FRMPD4: variants seen among roughly 807,000 people sequenced by gnomAD.
FRMPD4 encodes the protein FERM and PDZ domain containing 4.
Under a neutral mutation model 94.1 loss-of-function variants are expected in FRMPD4, and 22 were observed. That is an observed-to-expected ratio of 0.23 (90% CI 0.17 to 0.33). FRMPD4 has a LOEUF of 0.33. FRMPD4 is among the 10% of genes least tolerant of loss of function. FRMPD4 has a pLI of 1.00. For missense variants in FRMPD4, 1,111 were observed against 1,339.9 expected (o/e 0.83, Z 2.67); for synonymous variants, 631 against 548.6 (o/e 1.15, Z -2.10).
At position 12,718,539 on chromosome X, in the gene FRMPD4, C is replaced by T. The variant is rs145722235; in HGVS notation, c.3713C>T (p.Pro1238Leu). The change falls in exon 16 of 17, where the codon CCG becomes CTG. Residue 1238 changes from proline to leucine, a missense_variant. By Grantham distance (98) the Pro-to-Leu change is moderately conservative (BLOSUM62 -3). This residue lies in a region of FRMPD4 where 551 missense variants were observed against 591.6 expected (regional missense o/e 0.93). Transcript: ENST00000675598. ...GCCTGTGCCACACCCGTGGAGTCGC[C>T]GCTCTGCCCCTCCCTGGGGAAGCAC... ...GSACATPVES[P>L]LCPSLGKHLI... The T allele has an allele frequency of 2.7e-4, 321 of 1,199,107 alleles. No homozygotes were observed. The highest frequency in any genetic ancestry group is 9.3e-4 in the Middle Eastern group (4 of 4,321).
rs144250882 is a variant in FRMPD4 at position 12,264,664 on chromosome X, A to G, written c.41+125652A>G. ...ATGAGTTTGTCTATTAGTCTAACAT[A>G]ACAAACTTTTGAATACCAGTTGTTG... On this transcript the variant is annotated intron_variant, in intron 1 of 16. Coordinates refer to ENST00000675598, the MANE Select transcript of FRMPD4 (RefSeq NM_001368397.1). Among the ~76,000 whole-genome samples the G allele has an allele frequency of 4.7e-3, 532 of 112,565 alleles. 2 individuals carry two copies. The highest frequency in any genetic ancestry group is 0.016 in the African/African-American group (497 of 31,039).
At chrX:12,520,183 T>A (rs1420329022) in intron 2 of FRMPD4, among the ~76,000 whole-genome samples, 1 of 111,777 alleles carries the variant, frequency 8.9e-6, no homozygotes, top group African/African-American at 3.3e-5. Context: ...AAATGTGGTC[T>A]TTACATATAG....
At position 12,549,373 on chromosome X, in the gene FRMPD4, C is replaced by T. The variant is rs751030252; in HGVS notation, c.158+50577C>T. Among the ~76,000 whole-genome samples the T allele has an allele frequency of 3.6e-5, 4 of 112,210 alleles. No individual in the cohort carries two copies. In the Admixed American group the frequency reaches 3.8e-4, roughly 11 times the overall value. On this transcript the variant is annotated intron_variant, in intron 2 of 16. Coordinates refer to ENST00000675598, the MANE Select transcript of FRMPD4 (RefSeq NM_001368397.1). ...TCACAGAGTGGATTCCTAAAATGTG[C>T]ACACTCAAATATTCTCTATTTCTTA...
In FRMPD4 at chrX:12,288,603, A is replaced by G. The variant is rs182371228; in HGVS notation, c.41+149591A>G. On this transcript the variant is annotated intron_variant, in intron 1 of 16. Coordinates refer to ENST00000675598, the MANE Select transcript of FRMPD4 (RefSeq NM_001368397.1). Reference sequence around the variant, plus strand: ...ACTATACTTCCTATTTTCCAAATTCATCTTATCATTTCAATTGTGTACAGA... The same window carrying G: ...ACTATACTTCCTATTTTCCAAATTCGTCTTATCATTTCAATTGTGTACAGA... 4.5e-3 allele frequency among the ~76,000 whole-genome samples: 503 copies of G among 111,502 alleles called. 2 individuals carry two copies. The highest frequency in any genetic ancestry group is 0.012 in the African/African-American group (380 of 30,711).
intron 4 of FRMPD4, among the ~76,000 whole-genome samples, chrX:12,666,944 T>G (rs1282332357): frequency 2.7e-5 from 3 of 112,261 alleles, no homozygotes; most frequent in Non-Finnish European, 3.8e-5. Context: ...GTTTTCTAAT[T>G]TCTTTGAAGA....
chrX:12,082,866 G>C (rs922185884), intron 3 of FRMPD4, among the ~76,000 whole-genome samples: 3 of 111,659 alleles, frequency 2.7e-5, no homozygotes, highest in African/African-American at 9.8e-5. Context: ...AGATGATTTA[G>C]GGTATCTGGC....
At chrX:12,117,914 C>T (rs1376869555) in intron 3 of FRMPD4, among the ~76,000 whole-genome samples, 2 of 111,898 alleles carry the variant, frequency 1.8e-5, no homozygotes, top group Non-Finnish European at 3.8e-5. Flanking sequence ...CATTTTGCTT[C>T]CCGAGCATAT....
At chrX:12,015,059 G>A (rs779542366) in intron 3 of FRMPD4, among the ~76,000 whole-genome samples, 6 of 111,331 alleles carry the variant, frequency 5.4e-5, no homozygotes, top group Non-Finnish European at 7.5e-5. Flanking sequence ...TTCTGTAACT[G>A]GCAACACTAT....
intron 3 of FRMPD4, among the ~76,000 whole-genome samples, chrX:11,927,840 A>G (rs1670492248): frequency 8.9e-6 from 1 of 112,224 alleles, no homozygotes; most frequent in South Asian, 3.7e-4. Flanking sequence ...AGGCACAGGT[A>G]CAGGTAAAGA....
chrX:12,077,835 A>G (rs187897031), intron 3 of FRMPD4, among the ~76,000 whole-genome samples: 1 of 111,971 alleles, frequency 8.9e-6, no homozygotes, highest in East Asian at 2.8e-4. Flanking sequence ...CTTTTCCTTT[A>G]GTGCCATAAT....
intron 1 of FRMPD4, among the ~76,000 whole-genome samples, chrX:12,334,483 G>C (rs2055484690): frequency 9.0e-6 from 1 of 110,862 alleles, no homozygotes; most frequent in Non-Finnish European, 1.9e-5. Context: ...TATTCTAAGT[G>C]TATACTTTAT....
At chrX:12,597,852 T>C (rs970421034) in intron 2 of FRMPD4, among the ~76,000 whole-genome samples, 3 of 112,310 alleles carry the variant, frequency 2.7e-5, no homozygotes, top group Admixed American at 1.9e-4. Flanking sequence ...AAAAGTTTAC[T>C]GTGAAAACTT....
intron 1 of FRMPD4, among the ~76,000 whole-genome samples, chrX:11,854,741 C>G (rs1212364256): frequency 1.8e-5 from 2 of 112,728 alleles, no homozygotes; most frequent in East Asian, 5.6e-4. Flanking sequence ...CAGCTCCACC[C>G]CCGTGGCTTT....
chrX:11,966,774 A>G (rs1196024062), intron 3 of FRMPD4, among the ~76,000 whole-genome samples: 1 of 112,310 alleles, frequency 8.9e-6, no homozygotes, highest in Non-Finnish European at 1.9e-5. Context: ...TTTAATTCAC[A>G]GATTCTTGCT....
chrX:11,954,731 C>T (rs2054245240), intron 3 of FRMPD4, among the ~76,000 whole-genome samples: 1 of 110,887 alleles, frequency 9.0e-6, no homozygotes, highest in African/African-American at 3.3e-5. Context: ...TACAGTTTTA[C>T]ACTATTGTTC....
At chrX:11,955,747 GAAAAAAA>G (rs57734182) in intron 3 of FRMPD4, among the ~76,000 whole-genome samples, 2 of 49,752 alleles carry the variant, frequency 4.0e-5, no homozygotes, top group Non-Finnish European at 8.1e-5. Context: ...GTCTCAAAAA[GAAAAAAA>G]AAAAAAAAAG....
At chrX:12,589,056 T>A (rs2058958849) in intron 2 of FRMPD4, among the ~76,000 whole-genome samples, 1 of 112,454 alleles carries the variant, frequency 8.9e-6, no homozygotes, top group African/African-American at 3.2e-5. Flanking sequence ...AAATATTTGA[T>A]TGAAGACACA....
rs147611945 is a variant in FRMPD4, at chrX:12,690,287, G to A, written c.774G>A (p.Thr258=). ...AGCAGAGGACAGAAGGGGCTGGAAC[G>A]AAGCTGCTCTTGCTTCATGAACAGG... ...MLEQRTEGAG[T]KLLLLHEQET... Residue 258 remains threonine (T), a synonymous_variant, in exon 8 of 17, where the codon ACG becomes ACA. Transcript: ENST00000675598. 394 of 1,207,886 alleles carry A rather than the reference G, an allele frequency of 3.3e-4. 1 individual carries two copies. Among genetic ancestry groups the A allele is most frequent in the Non-Finnish European group, 2.8e-4 (254 of 893,294 alleles).
At chrX:12,384,256 C>T (rs1237080720) in intron 1 of FRMPD4, among the ~76,000 whole-genome samples, 1 of 112,158 alleles carries the variant, frequency 8.9e-6, no homozygotes, top group African/African-American at 3.2e-5. Flanking sequence ...TGGCTCACAC[C>T]TATAAACCCG....
Sources: allele counts gnomAD v4.1 joint callset (sites outside exome capture counted in the v4.1 genomes callset), GRCh38; gene constraint gnomAD v4.1.1; regional missense constraint gnomAD v4.1.1; transcripts MANE v1.5; gene names NCBI Gene and HGNC (gene_info 2026-07-23, HGNC 2026-07-21).